The following PLCXD3 variants were observed in gnomAD, a reference collection of about 807,000 sequenced individuals.
PLCXD3 encodes phosphatidylinositol specific phospholipase C X domain containing 3.
A neutral mutation model predicts 25.5 loss-of-function variants in PLCXD3; 19 were observed. The observed-to-expected ratio is 0.75, with a 90% confidence interval of 0.52 to 1.09. The LOEUF (loss-of-function observed/expected upper bound fraction) is 1.09, where lower values mean the gene tolerates loss of function less well. PLCXD3 is among the 50% of genes least tolerant of loss of function. The pLI is 0.00. For synonymous variants in PLCXD3, 174 were observed against 137.6 expected, an observed-to-expected ratio of 1.26 and a Z score of -1.85; for missense variants, 411 against 388.1, an observed-to-expected ratio of 1.06 and a Z score of -0.50.
chr5:41,376,324 C>CT (rs1250284183), intron 2 of PLCXD3, among the ~76,000 whole-genome samples: 4 of 152,260 alleles, frequency 2.6e-5, no homozygotes, highest in Non-Finnish European at 4.4e-5. Context: ...GCATGCCACT[C>CT]TGTTTCCCCC....
intron 1 of PLCXD3, among the ~76,000 whole-genome samples, chr5:41,390,717 A>G (rs1745785527): frequency 6.6e-6 from 1 of 152,174 alleles, no homozygotes. Flanking sequence ...AACTATCTAC[A>G]CAGAAAAAAA....
rs147551300 is a variant in PLCXD3, at chr5:41,348,655, G to T, written c.812+33171C>A. 4.4e-3 allele frequency among the ~76,000 whole-genome samples: 668 copies of T among 152,114 alleles called. 5 individuals are homozygous for T. Among genetic ancestry groups the T allele is most frequent in the African/African-American group, 0.016 (643 of 41,476 alleles). On this transcript the variant is annotated intron_variant, in intron 2 of 2. Coordinates refer to ENST00000377801, the MANE Select transcript of PLCXD3 (RefSeq NM_001005473.3). ...ACTGAGTTTTTTTGTTTGTTTGTTT[G>T]TTTGTTTGTTTGTTTTAGATTGCAA... is the stretch of plus-strand genomic sequence containing the variant.
intron 2 of PLCXD3, among the ~76,000 whole-genome samples, chr5:41,315,041 C>G (rs1381787062): frequency 1.3e-5 from 2 of 152,152 alleles, no homozygotes; most frequent in Non-Finnish European, 2.9e-5. Flanking sequence ...AATGCACTTT[C>G]AGGCAGAGGA....
At chr5:41,366,399 G>C (rs1423309) in intron 2 of PLCXD3, among the ~76,000 whole-genome samples, 2,404 of 152,270 alleles carry the variant, frequency 0.016, 65 homozygotes, top group African/African-American at 0.056. Flanking sequence ...GAACTTAGGT[G>C]AAAAAGTACC....
Position 41,308,641 on chromosome 5 carries a change from A to T in PLCXD3, c.*4976T>A, listed in dbSNP as rs962715927. On this transcript the variant is annotated 3_prime_UTR_variant, in exon 3 of 3. Transcript: ENST00000377801. ...GAAGAGAACCATGTTGGAACCACCTAGTATGGATGGGCCTTTAAAAGCTCT... is the reference window on the plus strand; with the variant it reads ...GAAGAGAACCATGTTGGAACCACCTTGTATGGATGGGCCTTTAAAAGCTCT... The T allele has an allele frequency of 6.6e-6, 1 of 152,154 alleles. No homozygotes were observed. Among genetic ancestry groups the T allele is most frequent in the Non-Finnish European group, 1.5e-5 (1 of 68,010 alleles). The allele number at this position is 152,154 out of a possible 1,614,324, so 9.4% of individuals were successfully genotyped here.
intron 1 of PLCXD3, among the ~76,000 whole-genome samples, chr5:41,435,381 A>G (rs1036973073): frequency 5.3e-5 from 8 of 152,204 alleles, no homozygotes; most frequent in Non-Finnish European, 7.3e-5. Context: ...GTATGCAAAA[A>G]AAAGTCAACC....
intron 1 of PLCXD3, 64 bp from the exon 2 acceptor site, chr5:41,382,598 C>T (rs1745505644): frequency 2.3e-6 from 3 of 1,279,870 alleles, no homozygotes; most frequent in South Asian, 1.5e-5. Flanking sequence ...ACCTTCTTTC[C>T]CTCTTGCAAT....
At chr5:41,346,119 G>T (rs191752840) in intron 2 of PLCXD3, among the ~76,000 whole-genome samples, 2 of 152,158 alleles carry the variant, frequency 1.3e-5, no homozygotes. Context: ...GACCTCAGGT[G>T]ATCCGCCCGC....
At chr5:41,319,455 G>A (rs536987771) in intron 2 of PLCXD3, among the ~76,000 whole-genome samples, 48 of 152,232 alleles carry the variant, frequency 3.2e-4, no homozygotes, top group African/African-American at 1.0e-3. Context: ...ATGATGAGAG[G>A]AATTTTGGGA....
Position 41,309,399 on chromosome 5 carries a change from C to T in PLCXD3, c.*4218G>A, listed in dbSNP as rs1743072228. 1 of 152,536 alleles carries T rather than the reference C, an allele frequency of 6.6e-6. No individual in the cohort carries two copies. Among genetic ancestry groups the T allele is most frequent in the Non-Finnish European group, 1.5e-5 (1 of 68,002 alleles). The allele number at this position is 152,536 out of a possible 1,614,324, so 9.4% of individuals were successfully genotyped here. A position where few individuals can be genotyped will look rare whatever the true frequency, so the allele number is the denominator to read the frequency against. ...TGTCACTGAAATCTAGCTGAAAAGA[C>T]TAAAGTGCTGTAAAATAAAATGCTC... is the stretch of plus-strand genomic sequence containing the variant. On this transcript the variant is annotated 3_prime_UTR_variant, in exon 3 of 3. Transcript: ENST00000377801.
chr5:41,388,776 T>C (rs7734758), intron 1 of PLCXD3, among the ~76,000 whole-genome samples: 5,830 of 152,054 alleles, frequency 0.038, 379 homozygotes, highest in African/African-American at 0.13. Context: ...CAAAATAATA[T>C]TAAATTACCA....
intron 2 of PLCXD3, among the ~76,000 whole-genome samples, chr5:41,335,182 G>A (rs996200313): frequency 3.9e-5 from 6 of 152,294 alleles, no homozygotes; most frequent in African/African-American, 1.4e-4. Flanking sequence ...AAAGCAGACA[G>A]TTTCTATCGC....
At chr5:41,475,737 A>G (rs367776896) in intron 1 of PLCXD3, 1 of 534,606 alleles carries the variant, frequency 1.9e-6, no homozygotes, top group Non-Finnish European at 3.8e-6. Context: ...TCATTACAAG[A>G]GTTACTTCTG....
intron 2 of PLCXD3, among the ~76,000 whole-genome samples, chr5:41,315,219 C>CA (rs1561228869): frequency 6.6e-6 from 1 of 151,366 alleles, no homozygotes; most frequent in Non-Finnish European, 1.5e-5. Context: ...GTTTCCATGA[C>CA]AAAAGGATAA....
At chr5:41,324,822 T>C (rs1743579443) in intron 2 of PLCXD3, among the ~76,000 whole-genome samples, 1 of 152,196 alleles carries the variant, frequency 6.6e-6, no homozygotes, top group Admixed American at 6.5e-5. Flanking sequence ...AAGAATGATT[T>C]TTCAACAGAC....
chr5:41,396,289 G>A (rs1263614765), intron 1 of PLCXD3, among the ~76,000 whole-genome samples: 1 of 152,002 alleles, frequency 6.6e-6, no homozygotes, highest in Non-Finnish European at 1.5e-5. Flanking sequence ...CAACGGATCT[G>A]GTTGTTTAAA....
chr5:41,495,484 G>A (rs558164194), intron 1 of PLCXD3, among the ~76,000 whole-genome samples: 1 of 152,302 alleles, frequency 6.6e-6, no homozygotes, highest in East Asian at 1.9e-4. Context: ...CAAGGGGTTA[G>A]TTTCTGAATA....
chr5:41,463,289 A>G (rs1747936194), intron 1 of PLCXD3, among the ~76,000 whole-genome samples: 1 of 151,990 alleles, frequency 6.6e-6, no homozygotes, highest in Admixed American at 6.6e-5. Context: ...GGGTGCCAGC[A>G]TGACTGGGTT....
rs1221039323 is a variant in PLCXD3, at chr5:41,312,838, AC to A, written c.*778del. 1 of 152,498 alleles carries A rather than the reference AC, an allele frequency of 6.6e-6. No homozygotes were observed. The highest frequency in any genetic ancestry group is 1.5e-5 in the Non-Finnish European group (1 of 68,016). 9.4% of individuals were successfully genotyped at this position (152,498 alleles called of 1,614,324 possible). ...ACTTGTACCTTACCATTTACTGGGT[AC>A]TTGCAGGGCAATATTATTTAAGAGA... is the stretch of plus-strand genomic sequence containing the variant. On this transcript the variant is annotated 3_prime_UTR_variant, in exon 3 of 3. Transcript: ENST00000377801.
Sources: gnomAD v4.1 joint callset for allele counts (sites outside exome capture counted in the v4.1 genomes callset) on GRCh38, gnomAD v4.1.1 for gene constraint, MANE v1.5 for transcripts, NCBI Gene and HGNC (gene_info 2026-07-23, HGNC 2026-07-21) for gene names.